The following DNAJC6 variants were observed in gnomAD, a reference collection of about 807,000 sequenced individuals.
DNAJC6 encodes DnaJ heat shock protein family (Hsp40) member C6.
DNAJC6 carries 34 observed loss-of-function variants against 110.0 expected under a neutral mutation model. That is an observed-to-expected ratio of 0.31 (90% CI 0.24 to 0.41). DNAJC6 has a LOEUF of 0.41. Ranked by LOEUF, DNAJC6 falls within the 10% of genes least tolerant of loss-of-function variation. The pLI, the probability that DNAJC6 is intolerant of heterozygous loss-of-function variation, is 1.00. For missense variants in DNAJC6, 1,031 were observed against 1,207.8 expected (o/e 0.85, Z 2.17); for synonymous variants, 406 against 437.2 (o/e 0.93, Z 0.89).
chr1:65,324,614 CT>C, intron 1 of DNAJC6, among the ~76,000 whole-genome samples: 1 of 152,308 alleles, frequency 6.6e-6, no homozygotes, highest in Non-Finnish European at 1.5e-5. Flanking sequence ...CCACCTCAGC[CT>C]CCTAAAGTGC....
chr1:65,342,644 T>A (rs915366976), intron 1 of DNAJC6, among the ~76,000 whole-genome samples: 1 of 152,188 alleles, frequency 6.6e-6, no homozygotes, highest in Non-Finnish European at 1.5e-5. Flanking sequence ...AAGGGGATAA[T>A]CAAACTTACC....
At chr1:65,292,480 G>A (rs1315890422) in intron 1 of DNAJC6, among the ~76,000 whole-genome samples, 1 of 151,984 alleles carries the variant, frequency 6.6e-6, no homozygotes, top group East Asian at 1.9e-4. Context: ...GCCTAGGCTG[G>A]GGTGCAGTGG....
intron 1 of DNAJC6, among the ~76,000 whole-genome samples, chr1:65,333,160 G>A (rs942861): frequency 0.67 from 102,099 of 151,964 alleles, 34,425 homozygotes; most frequent in East Asian, 0.83. Context: ...TTTTTTAAAA[G>A]CAAACAAAAA....
intron 1 of DNAJC6, among the ~76,000 whole-genome samples, chr1:65,312,554 T>C (rs1035601031): frequency 9.2e-5 from 14 of 152,220 alleles, no homozygotes; most frequent in African/African-American, 3.4e-4. Context: ...CAGTGGTTTA[T>C]GGGACTTTTG....
At chr1:65,298,054 G>T (rs1237694794) in intron 1 of DNAJC6, among the ~76,000 whole-genome samples, 1 of 151,892 alleles carries the variant, frequency 6.6e-6, no homozygotes, top group Admixed American at 6.6e-5. Context: ...AAAAACCCTA[G>T]TGTCTGAATT....
intron 1 of DNAJC6, among the ~76,000 whole-genome samples, chr1:65,299,138 T>C (rs1483232251): frequency 1.3e-5 from 2 of 152,184 alleles, no homozygotes; most frequent in African/African-American, 4.8e-5. Context: ...ATTTCCCTAA[T>C]AGAAAGTAAA....
In DNAJC6 at chr1:65,342,518, C is replaced by T. The variant is rs147806519; in HGVS notation, c.194-22117C>T. Reference sequence around the variant, plus strand: ...CAGGCACCTTGATCTTGGACTTTCTCGTCTCCAGAACTGTGAGGAATACAT... The same window carrying T: ...CAGGCACCTTGATCTTGGACTTTCTTGTCTCCAGAACTGTGAGGAATACAT... On this transcript the variant is annotated intron_variant, in intron 1 of 18. Transcript: ENST00000371069. Among the ~76,000 whole-genome samples, 267 of 152,250 alleles carry T rather than the reference C, an allele frequency of 1.8e-3. 3 individuals carry two copies. The highest frequency in any genetic ancestry group is 5.8e-3 in the African/African-American group (239 of 41,550).
chr1:65,408,694 A>G lies in DNAJC6; in HGVS notation c.2545A>G (p.Asn849Asp). The G allele has an allele frequency of 6.2e-7, 1 of 1,614,164 alleles. No homozygotes were observed. ...AGACCTACTCTCTGGTCAAGGTTTC[A>G]ATGCTCACAAAGACAAAAAGGGGCC... is the stretch of plus-strand genomic sequence containing the variant. ...FEDLLSGQGF[N>D]AHKDKKGPRT... Residue 849 changes from asparagine (N) to aspartate (D), a missense_variant, in exon 17 of 19, where the codon AAT becomes GAT. Coordinates refer to ENST00000371069, the MANE Select transcript of DNAJC6 (RefSeq NM_001256864.2).
chr1:65,360,360 A>G (rs1645586066), intron 1 of DNAJC6, among the ~76,000 whole-genome samples: 1 of 152,220 alleles, frequency 6.6e-6, no homozygotes, highest in Non-Finnish European at 1.5e-5. Flanking sequence ...TAATGAGCAG[A>G]GCATGCAGCC....
chr1:65,306,383 G>A (rs1645038483), upstream of DNAJC6: 1 of 152,118 alleles, frequency 6.6e-6, no homozygotes, highest in East Asian at 1.9e-4. Context: ...TATATTCTCT[G>A]GAAATGAAAA....
intron 1 of DNAJC6, among the ~76,000 whole-genome samples, chr1:65,281,687 C>T (rs1653850051): frequency 6.6e-6 from 1 of 152,096 alleles, no homozygotes; most frequent in Non-Finnish European, 1.5e-5. Context: ...TGGCTCACTG[C>T]AAGCTCCACC....
intron 1 of DNAJC6, among the ~76,000 whole-genome samples, chr1:65,291,770 T>G (rs575682008): frequency 6.6e-6 from 1 of 152,272 alleles, no homozygotes; most frequent in African/African-American, 2.4e-5. Context: ...TAAGCAATAT[T>G]AGAAAAGTTT....
At chr1:65,354,477 TATGAGG>T (rs1232425640) in intron 1 of DNAJC6, among the ~76,000 whole-genome samples, 1 of 152,202 alleles carries the variant, frequency 6.6e-6, no homozygotes, top group Non-Finnish European at 1.5e-5. Context: ...ATGGCCTTTG[TATGAGG>T]ATGATGATAG....
chr1:65,274,687 A>G (rs1653607568), intron 1 of DNAJC6, among the ~76,000 whole-genome samples: 1 of 152,228 alleles, frequency 6.6e-6, no homozygotes, highest in South Asian at 2.1e-4. Flanking sequence ...GTGAATTTTT[A>G]AAAATCTAGT....
chr1:65,296,933 G>A (rs951782069), intron 1 of DNAJC6, among the ~76,000 whole-genome samples: 2 of 152,140 alleles, frequency 1.3e-5, no homozygotes, highest in African/African-American at 4.8e-5. Flanking sequence ...CAGGCATGGA[G>A]TTAGGTACCA....
chr1:65,364,212 T>C lies in DNAJC6; in HGVS notation c.194-423T>C, dbSNP rs567343897. ...ATTTTACAGCTATAATTTCTTTAATTCAATATATTTAAATTATTATTTCAA... is the reference window on the plus strand; with the variant it reads ...ATTTTACAGCTATAATTTCTTTAATCCAATATATTTAAATTATTATTTCAA... On this transcript the variant is annotated intron_variant, in intron 1 of 18. Coordinates refer to ENST00000371069, the MANE Select transcript of DNAJC6 (RefSeq NM_001256864.2). Among the ~76,000 whole-genome samples the C allele has an allele frequency of 3.3e-5, 5 of 152,272 alleles. No homozygotes were observed. In the South Asian group the frequency reaches 1.0e-3, roughly 32 times the overall value.
At chr1:65,332,592 A>G (rs769309397) in intron 1 of DNAJC6, among the ~76,000 whole-genome samples, 10 of 152,232 alleles carry the variant, frequency 6.6e-5, no homozygotes, top group Non-Finnish European at 1.2e-4. Flanking sequence ...TGCTAGGAGT[A>G]AGTGCTGTCA....
intron 1 of DNAJC6, among the ~76,000 whole-genome samples, chr1:65,353,823 C>T (rs1416798729): frequency 6.6e-6 from 1 of 152,018 alleles, no homozygotes; most frequent in East Asian, 1.9e-4. Flanking sequence ...TTTAGGCAGG[C>T]TTTCTCAGTG....
intron 1 of DNAJC6, among the ~76,000 whole-genome samples, chr1:65,326,597 G>A (rs544184602): frequency 6.6e-6 from 1 of 152,304 alleles, no homozygotes; most frequent in South Asian, 2.1e-4. Context: ...GGGCCCAGGG[G>A]CAGTGGAGCC....
Sources: allele counts gnomAD v4.1 joint callset (sites outside exome capture counted in the v4.1 genomes callset), GRCh38; gene constraint gnomAD v4.1.1; transcripts MANE v1.5; gene names NCBI Gene and HGNC (gene_info 2026-07-23, HGNC 2026-07-21).